SLC25A44: variants seen among roughly 807,000 people sequenced by gnomAD.
The protein encoded by SLC25A44 is solute carrier family 25, member 44.
In SLC25A44, 17 loss-of-function variants were observed where a neutral mutation model predicts 29.9. The ratio of observed to expected loss-of-function variants is 0.57; its 90% CI spans 0.39 to 0.85. The LOEUF (loss-of-function observed/expected upper bound fraction) is 0.85, where lower values mean the gene tolerates loss of function less well. Ranked by LOEUF, SLC25A44 falls within the 40% of genes least tolerant of loss-of-function variation. The pLI is 0.00. For synonymous variants in SLC25A44, 140 were observed against 151.8 expected, an observed-to-expected ratio of 0.92 and a Z score of 0.57; for missense variants, 302 against 398.4, an observed-to-expected ratio of 0.76 and a Z score of 2.06.
At chr1:156,209,523 C>T (rs1657160856) in intron 3 of SLC25A44, among the ~76,000 whole-genome samples, 1 of 151,962 alleles carries the variant, frequency 6.6e-6, no homozygotes, top group Non-Finnish European at 1.5e-5. Flanking sequence ...CCTGTATTGG[C>T]CGAGGGGCTG....
At chr1:156,204,551 AT>A (rs887882606) in intron 2 of SLC25A44, among the ~76,000 whole-genome samples, 2 of 151,832 alleles carry the variant, frequency 1.3e-5, no homozygotes, top group Admixed American at 6.6e-5. Flanking sequence ...CAATGGCATG[AT>A]CTTGGCTCAC....
intron 1 of SLC25A44, chr1:156,196,190 T>C (rs1255212028): frequency 6.6e-6 from 1 of 152,078 alleles, no homozygotes; most frequent in African/African-American, 2.4e-5. Context: ...GCAAAGAGGA[T>C]TTTTTCAGAG....
At position 156,211,056 on chromosome 1, in the gene SLC25A44, TTGTG is replaced by T. The variant is rs58631766; in HGVS notation, c.*667_*670del. ...TGGGAGAAATGTTGATACTTTTGTT[TTGTG>T]TGTGTGTGTGTGTGTGTGTGTGTGT... On this transcript the variant is annotated 3_prime_UTR_variant, in exon 4 of 4. Transcript: ENST00000359511. 3,144 of 138,942 alleles carry T rather than the reference TTGTG, an allele frequency of 0.023. 35 individuals are homozygous for T. The highest frequency in any genetic ancestry group is 0.034 in the African/African-American group (1,259 of 37,316). The allele number at this position is 138,942 out of a possible 1,614,324, so 8.6% of individuals were successfully genotyped here. A position where few individuals can be genotyped will look rare whatever the true frequency, so the allele number is the denominator to read the frequency against.
chr1:156,209,441 C>G (rs571821498), intron 3 of SLC25A44, among the ~76,000 whole-genome samples: 1 of 152,248 alleles, frequency 6.6e-6, no homozygotes, highest in South Asian at 2.1e-4. Flanking sequence ...GGGGGATGTT[C>G]TTAGCCATGG....
chr1:156,195,572 C>T (rs972420762), intron 1 of SLC25A44, among the ~76,000 whole-genome samples: 4 of 152,184 alleles, frequency 2.6e-5, no homozygotes, highest in Non-Finnish European at 4.4e-5. Flanking sequence ...ATGCGACCAG[C>T]GGACGGCATT....
chr1:156,210,361 T>C lies in SLC25A44; in HGVS notation c.875T>C (p.Ile292Thr), dbSNP rs752510322. 8 of 1,608,990 alleles carry C rather than the reference T, an allele frequency of 5.0e-6. No homozygotes were observed. In the African/African-American group the frequency reaches 5.4e-5, roughly 11 times the overall value. ...IISATPSTIV[I>T]VVGYESLKKL... ...TCAGCCACACCTTCCACCATTGTCA[T>C]TGTGGTGGGCTATGAGAGCCTCAAG... The change falls in exon 4 of 4, where the codon ATT (isoleucine) becomes ACT (threonine). Residue 292 changes from isoleucine (I) to threonine (T), a missense_variant. Ile to Thr is a moderately conservative substitution (Grantham distance 89). Coordinates refer to ENST00000359511, the MANE Select transcript of SLC25A44 (RefSeq NM_014655.4).
chr1:156,200,921 C>T (rs1156344968), intron 2 of SLC25A44, among the ~76,000 whole-genome samples: 2 of 151,252 alleles, frequency 1.3e-5, no homozygotes, highest in South Asian at 2.1e-4. Context: ...CTGCAACCCC[C>T]ACCTCCCGGG....
intron 2 of SLC25A44, among the ~76,000 whole-genome samples, chr1:156,201,324 T>C (rs1656564637): frequency 6.6e-6 from 1 of 152,218 alleles, no homozygotes; most frequent in Admixed American, 6.5e-5. Flanking sequence ...GGGTGCATTG[T>C]TGAAGAGCAG....
chr1:156,207,451 T>C (rs1320093914), intron 2 of SLC25A44, among the ~76,000 whole-genome samples: 1 of 152,128 alleles, frequency 6.6e-6, no homozygotes, highest in Non-Finnish European at 1.5e-5. Flanking sequence ...AGTGCTGGGA[T>C]TACAGGCGTG....
At chr1:156,195,104 ATTT>A (rs1191256706) in intron 1 of SLC25A44, among the ~76,000 whole-genome samples, 3 of 136,770 alleles carry the variant, frequency 2.2e-5, no homozygotes, top group Admixed American at 7.3e-5. Flanking sequence ...CTACAGCTCT[ATTT>A]TTTTTTTTTT....
Position 156,200,356 on chromosome 1 carries a change from T to C in SLC25A44, c.509T>C (p.Ile170Thr). 1 of 1,614,120 alleles carries C rather than the reference T, an allele frequency of 6.2e-7. No individual in the cohort carries two copies. The highest frequency in any genetic ancestry group is 8.5e-7 in the Non-Finnish European group (1 of 1,180,026). The change falls in exon 2 of 4, where the codon ATC (isoleucine) becomes ACC (threonine). Residue 170 changes from isoleucine to threonine, a missense_variant. Physicochemically the swap from Ile to Thr is moderately conservative, Grantham distance 89. Coordinates refer to ENST00000359511, the MANE Select transcript of SLC25A44 (RefSeq NM_014655.4). The part of the protein sequence containing the change: ...VVAFGQTKDI[I>T]RQILQADGLR... ...GCCTTTGGCCAAACCAAGGACATCA[T>C]CAGGCAGATCCTGCAGGCTGATGGA...
At chr1:156,199,789 G>T in intron 1 of SLC25A44, 46 bp from the exon 2 acceptor site, 1 of 1,536,982 alleles carries the variant, frequency 6.5e-7, no homozygotes, top group Non-Finnish European at 8.8e-7. Flanking sequence ...AAAGCACAAA[G>T]CTCCACCCTC....
intron 1 of SLC25A44, among the ~76,000 whole-genome samples, chr1:156,195,636 G>T (rs1656171406): frequency 6.6e-6 from 1 of 152,202 alleles, no homozygotes; most frequent in South Asian, 2.1e-4. Context: ...GCATTGATAG[G>T]CTTTATTAGC....
chr1:156,210,723 T>C lies in SLC25A44; in HGVS notation c.*292T>C, dbSNP rs1480714997. The C allele has an allele frequency of 1.8e-5, 3 of 165,490 alleles. No individual in the cohort carries two copies. The highest frequency in any genetic ancestry group is 3.3e-5 in the Non-Finnish European group (3 of 90,242). 10.3% of individuals were successfully genotyped at this position (165,490 alleles called of 1,614,324 possible). ...CACCCCCCACCCTGCCAGCCCTTCT[T>C]CTGGCTTCCCCTTCCATCTGTGTCC... is the stretch of plus-strand genomic sequence containing the variant. On this transcript the variant is annotated 3_prime_UTR_variant, in exon 4 of 4. Coordinates refer to ENST00000359511, the MANE Select transcript of SLC25A44 (RefSeq NM_014655.4).
At chr1:156,199,543 A>G in intron 1 of SLC25A44, 2 of 397,088 alleles carry the variant, frequency 5.0e-6, no homozygotes, top group South Asian at 3.3e-5. Flanking sequence ...TGGGGTAGGG[A>G]GCCGAGGAGG....
rs1297661855 is a variant in SLC25A44, at chr1:156,208,085, G to A, written c.753+72G>A. 4 of 1,400,388 alleles carry A rather than the reference G, an allele frequency of 2.9e-6. No individual in the cohort carries two copies. In the Admixed American group the frequency reaches 6.9e-5, roughly 24 times the overall value. 86.7% of individuals were successfully genotyped at this position (1,400,388 alleles called of 1,614,324 possible). On this transcript the variant is annotated intron_variant, in intron 3 of 3. Coordinates refer to ENST00000359511, the MANE Select transcript of SLC25A44 (RefSeq NM_014655.4). ...AAGCATGACCTTCAAGCCCTCCAGT[G>A]TTGCCCTGACCTCTTTGTGTCCTGG...
intron 2 of SLC25A44, among the ~76,000 whole-genome samples, chr1:156,202,354 C>T (rs1470994553): frequency 6.6e-6 from 1 of 152,194 alleles, no homozygotes; most frequent in Non-Finnish European, 1.5e-5. Flanking sequence ...TGTTCAGTGG[C>T]TTCCACTGCT....
intron 3 of SLC25A44, among the ~76,000 whole-genome samples, chr1:156,209,236 G>C (rs1287540545): frequency 6.6e-6 from 1 of 152,202 alleles, no homozygotes; most frequent in Non-Finnish European, 1.5e-5. Context: ...TCTAGGAGGA[G>C]ATCCAAGGGA....
chr1:156,204,296 C>T (rs1176923817), intron 2 of SLC25A44, among the ~76,000 whole-genome samples: 1 of 151,954 alleles, frequency 6.6e-6, no homozygotes, highest in African/African-American at 2.4e-5. Context: ...CATGAGCCAC[C>T]GTGCCCTGTC....
Sources: allele counts gnomAD v4.1 joint callset (sites outside exome capture counted in the v4.1 genomes callset), GRCh38; gene constraint gnomAD v4.1.1; transcripts MANE v1.5; gene names NCBI Gene and HGNC (gene_info 2026-07-23, HGNC 2026-07-21).